Variants in RANBP2 observed in about 807,000 individuals in gnomAD.
RANBP2 encodes RAN binding protein 2.
RANBP2 carries 57 observed loss-of-function variants against 303.6 expected under a neutral mutation model. That is an observed-to-expected ratio of 0.19 (90% CI 0.15 to 0.23). The LOEUF (loss-of-function observed/expected upper bound fraction) is 0.23, where lower values mean the gene tolerates loss of function less well. Among genes scored for constraint, RANBP2 ranks in the 10% least tolerant of loss-of-function variants. RANBP2 has a pLI of 1.00. For synonymous variants in RANBP2, 1,167 were observed against 1,301.5 expected, an observed-to-expected ratio of 0.90 and a Z score of 2.23; for missense variants, 3,138 against 3,780.8, an observed-to-expected ratio of 0.83 and a Z score of 4.46.
the RANBP2 span, among the ~76,000 whole-genome samples, chr2:109,113,665 C>T: frequency 6.6e-6 from 1 of 152,200 alleles, no homozygotes; most frequent in Non-Finnish European, 1.5e-5. Flanking sequence ...GAACTTCCAA[C>T]ACTATGTTGA....
chr2:109,121,669 G>C, the RANBP2 span, among the ~76,000 whole-genome samples: 1 of 152,168 alleles, frequency 6.6e-6, no homozygotes, highest in African/African-American at 2.4e-5. Context: ...TGCTTAGCAA[G>C]TGGGAAAGAC....
the RANBP2 span, among the ~76,000 whole-genome samples, chr2:109,061,258 A>T: frequency 6.6e-6 from 1 of 152,268 alleles, no homozygotes; most frequent in African/African-American, 2.4e-5. Context: ...ATGCACACAG[A>T]TTCCCAAGCT....
the RANBP2 span, among the ~76,000 whole-genome samples, chr2:108,972,946 G>C: frequency 6.6e-6 from 1 of 152,206 alleles, no homozygotes; most frequent in South Asian, 2.1e-4. Flanking sequence ...GAATTTCTTA[G>C]GAAGAGGTCT....
At chr2:108,912,657 A>C in the RANBP2 span, 1 of 1,566,176 alleles carries the variant, frequency 6.4e-7, no homozygotes, top group Non-Finnish European at 8.7e-7. Context: ...CAGGTGATCG[A>C]TACCTGAGCA....
the RANBP2 span, among the ~76,000 whole-genome samples, chr2:108,914,873 G>A: frequency 6.6e-6 from 1 of 152,180 alleles, no homozygotes; most frequent in Non-Finnish European, 1.5e-5. Context: ...GTCAGCCCAT[G>A]CAGCAAGGCT....
chr2:109,639,602 A>T, the RANBP2 span, among the ~76,000 whole-genome samples: 1 of 152,026 alleles, frequency 6.6e-6, no homozygotes, highest in African/African-American at 2.4e-5. Context: ...CTGGCAACAG[A>T]GTGAGATTCC....
chr2:108,737,457 G>A (rs1275258742), intron 6 of RANBP2, among the ~76,000 whole-genome samples: 1 of 149,950 alleles, frequency 6.7e-6, no homozygotes, highest in Admixed American at 6.7e-5. Context: ...TCCTGCCTCA[G>A]CCTCCCGAGT....
At chr2:109,507,338 GTTCTC>G in the RANBP2 span, among the ~76,000 whole-genome samples, 17 of 152,206 alleles carry the variant, frequency 1.1e-4, no homozygotes, top group Non-Finnish European at 2.2e-4. Flanking sequence ...GTCTGTCGGA[GTTCTC>G]TTCTCCCTTC....
the RANBP2 span, among the ~76,000 whole-genome samples, chr2:109,204,527 T>C: frequency 1.3e-5 from 2 of 152,226 alleles, no homozygotes; most frequent in African/African-American, 2.4e-5. Flanking sequence ...ATTGTACATA[T>C]ATTTGTGTGC....
the RANBP2 span, among the ~76,000 whole-genome samples, chr2:109,139,306 ACTGAC>A: frequency 6.6e-6 from 1 of 151,848 alleles, no homozygotes. Context: ...AGCCAATGAG[ACTGAC>A]CTTTTTTTTT....
the RANBP2 span, among the ~76,000 whole-genome samples, chr2:109,067,381 T>G: frequency 1.3e-5 from 2 of 152,228 alleles, no homozygotes; most frequent in African/African-American, 4.8e-5. Context: ...CCTCCAAAGA[T>G]AGCTACTGCA....
chr2:109,033,886 G>T, the RANBP2 span, among the ~76,000 whole-genome samples: 1,005 of 149,426 alleles, frequency 6.7e-3, 12 homozygotes, highest in African/African-American at 0.024. Flanking sequence ...AACCCAGGAG[G>T]CAGAGGCTGC....
chr2:109,410,580 T>C, the RANBP2 span, among the ~76,000 whole-genome samples: 1 of 152,216 alleles, frequency 6.6e-6, no homozygotes, highest in Non-Finnish European at 1.5e-5. Context: ...GGCTGTGTTG[T>C]TGAGCATCCT....
At chr2:109,683,499 AAGTAGACTCTCAGGAGGCCAGACACAG>A in the RANBP2 span, among the ~76,000 whole-genome samples, 2 of 152,064 alleles carry the variant, frequency 1.3e-5, no homozygotes, top group East Asian at 3.9e-4. Context: ...AGGGGGTCTT[AAGTAGACTCTCAGGAGGCCAGACACAG>A]AGTAAATACG....
At chr2:109,227,753 G>T in the RANBP2 span, among the ~76,000 whole-genome samples, 4 of 152,214 alleles carry the variant, frequency 2.6e-5, no homozygotes, top group African/African-American at 9.6e-5. Flanking sequence ...CGGGTCCAAC[G>T]CAAGTTCTTT....
chr2:109,722,155 C>G, the RANBP2 span, among the ~76,000 whole-genome samples: 1 of 152,180 alleles, frequency 6.6e-6, no homozygotes, highest in Admixed American at 6.5e-5. Flanking sequence ...TTGCAACCAT[C>G]CTGTCAGCAC....
chr2:108,826,534 C>T, the RANBP2 span, among the ~76,000 whole-genome samples: 4 of 152,194 alleles, frequency 2.6e-5, no homozygotes, highest in South Asian at 2.1e-4. Flanking sequence ...TGAATTGTTT[C>T]GGTACCATGT....
At chr2:109,280,892 G>C in the RANBP2 span, among the ~76,000 whole-genome samples, 5 of 152,328 alleles carry the variant, frequency 3.3e-5, no homozygotes, top group Non-Finnish European at 2.9e-5. Context: ...GCAGAAGTGG[G>C]TGCATTATCC....
At chr2:108,792,499 A>T in the RANBP2 span, among the ~76,000 whole-genome samples, 1 of 152,248 alleles carries the variant, frequency 6.6e-6, no homozygotes, top group Non-Finnish European at 1.5e-5. Flanking sequence ...CTTTTGCACC[A>T]ACCTCATATT....
Sources: gnomAD v4.1 joint callset for allele counts (sites outside exome capture counted in the v4.1 genomes callset) on GRCh38, gnomAD v4.1.1 for gene constraint, MANE v1.5 for transcripts, NCBI Gene and HGNC (gene_info 2026-07-23, HGNC 2026-07-21) for gene names.